Variants in PLXNB1 observed in about 807,000 individuals in gnomAD.
PLXNB1 encodes the protein plexin B1.
Under a neutral mutation model 209.4 loss-of-function variants are expected in PLXNB1, and 106 were observed. The observed-to-expected ratio is 0.51, with a 90% CI of 0.43 to 0.59. The LOEUF is 0.59. Among genes scored for constraint, PLXNB1 ranks in the 20% least tolerant of loss-of-function variants. The pLI, the probability that PLXNB1 is intolerant of heterozygous loss-of-function variation, is 0.00. For missense variants in PLXNB1, 2,357 were observed against 2,853.2 expected (o/e 0.83, Z 3.96); for synonymous variants, 1,167 against 1,183.2 (o/e 0.99, Z 0.28).
Position 48,414,006 on chromosome 3 carries a change from A to G in PLXNB1, c.4275T>C (p.Cys1425=). 3 of 1,613,956 alleles carry G rather than the reference A, an allele frequency of 1.9e-6. No homozygotes were observed. The highest frequency in any genetic ancestry group is 1.1e-5 in the South Asian group (1 of 91,086). The part of the protein sequence containing the change: ...EVVAMIGDGP[C]VVKTLTRHHL... ...GGTGCCGCGTCAGCGTCTTCACCAC[A>G]CAGGGGCCATCCCCTATCATAGCCA... is the stretch of plus-strand genomic sequence containing the variant. The change falls in exon 22 of 38, where the codon TGT becomes TGC. Residue 1425 remains cysteine (C), a synonymous_variant. Transcript: ENST00000296440.
Position 48,423,727 on chromosome 3 carries a change from T to C in PLXNB1, c.885A>G (p.Ala295=), listed in dbSNP as rs1440895176. Residue 295 remains alanine (A), a synonymous_variant, in exon 3 of 38, where the codon GCA becomes GCG. Transcript: ENST00000296440. ...REVAHGEVLF[A]AFSSAAPPTV... ...TGGGGGGTGCAGCCGAGGAGAAAGC[T>C]GCAAAGAGCACCTCCCCATGCGCCA... The C allele has an allele frequency of 3.1e-6, 5 of 1,613,608 alleles. No homozygotes were observed. Among genetic ancestry groups the C allele is most frequent in the Non-Finnish European group, 4.2e-6 (5 of 1,179,918 alleles).
chr3:48,409,694 A>C lies in PLXNB1; in HGVS notation c.5816T>G (p.Val1939Gly). The part of the protein sequence containing the change: ...LQKFVDDLFQ[V>G]ILSTSRPVPL... ...CACGGGGCGGCTGGTGCTGAGAATCACCTGGAACAGGTCATCCACGAACTT... is the reference window on the plus strand; with the variant it reads ...CACGGGGCGGCTGGTGCTGAGAATCCCCTGGAACAGGTCATCCACGAACTT... The change falls in exon 33 of 38, where the codon GTG becomes GGG. Residue 1939 changes from valine (V) to glycine (G), a missense_variant. Val to Gly is a moderately radical substitution (Grantham distance 109). This residue lies in a region of PLXNB1 where 414 missense variants were observed against 520.5 expected (regional missense o/e 0.80). Coordinates refer to ENST00000296440, the MANE Select transcript of PLXNB1 (RefSeq NM_001130082.3). The surrounding 1 kb of genome is among the most constrained non-coding windows in gnomAD (Gnocchi z 5.8). The C allele has an allele frequency of 6.2e-7, 1 of 1,613,776 alleles. No homozygotes were observed. Among genetic ancestry groups the C allele is most frequent in the South Asian group, 1.1e-5 (1 of 91,090 alleles).
chr3:48,404,412 G>T lies in PLXNB1; in HGVS notation c.*74C>A. 1 of 879,148 alleles carries T rather than the reference G, an allele frequency of 1.1e-6. No individual in the cohort carries two copies. The highest frequency in any genetic ancestry group is 1.8e-6 in the Non-Finnish European group (1 of 546,254). 54.5% of individuals were successfully genotyped at this position (879,148 alleles called of 1,614,324 possible). ...GTCAGTCACTACAGGCACCTAAGAA[G>T]GTGGCCTCTCCTCCGAGCTTCCAGG... On this transcript the variant is annotated 3_prime_UTR_variant, in exon 38 of 38. Coordinates refer to ENST00000296440, the MANE Select transcript of PLXNB1 (RefSeq NM_001130082.3).
chr3:48,415,906 G>A lies in PLXNB1; in HGVS notation c.3617+125C>T. 2 of 1,359,618 alleles carry A rather than the reference G, an allele frequency of 1.5e-6. No individual in the cohort carries two copies. Among genetic ancestry groups the A allele is most frequent in the Non-Finnish European group, 2.0e-6 (2 of 998,300 alleles). 84.2% of individuals were successfully genotyped at this position (1,359,618 alleles called of 1,614,324 possible). Reference sequence around the variant, plus strand: ...CTCCCACCACAGCTGGCTAGGGAGGGTCTGGCCACTCTCTGAAGGAGCAGA... The same window carrying A: ...CTCCCACCACAGCTGGCTAGGGAGGATCTGGCCACTCTCTGAAGGAGCAGA... On this transcript the variant is annotated intron_variant, in intron 18 of 37. Coordinates refer to ENST00000296440, the MANE Select transcript of PLXNB1 (RefSeq NM_001130082.3). This position sits in a 1 kb window ranked among gnomAD's most constrained non-coding sequence, Gnocchi z 5.0.
At position 48,413,480 on chromosome 3, in the gene PLXNB1, C is replaced by A. The variant is rs574193909; in HGVS notation, c.4535+190G>T. 2.2e-3 allele frequency: 1,367 copies of A among 620,570 alleles called. 9 individuals carry two copies. Among genetic ancestry groups the A allele is most frequent in the Middle Eastern group, 0.014 (32 of 2,296 alleles). 38.4% of individuals were successfully genotyped at this position (620,570 alleles called of 1,614,324 possible). A position where few individuals can be genotyped will look rare whatever the true frequency, so the allele number is the denominator to read the frequency against. Reference sequence around the variant, plus strand: ...CACTTTCATGTGTTTCCATGTCGTCCCTGGCTGCCTTTGTGCCACAGTGGC... The same window carrying A: ...CACTTTCATGTGTTTCCATGTCGTCACTGGCTGCCTTTGTGCCACAGTGGC... On this transcript the variant is annotated intron_variant, in intron 23 of 37. Coordinates refer to ENST00000296440, the MANE Select transcript of PLXNB1 (RefSeq NM_001130082.3). This position sits in a 1 kb window ranked among gnomAD's most constrained non-coding sequence, Gnocchi z 5.4.
intron 4 of PLXNB1, 114 bp from the exon 5 acceptor site, chr3:48,422,573 C>G: frequency 7.3e-7 from 1 of 1,368,900 alleles, no homozygotes; most frequent in Non-Finnish European, 9.8e-7. Flanking sequence ...CCTAGGCAGT[C>G]ACAGGTCATA....
chr3:48,421,887 G>A (rs2038550429), intron 6 of PLXNB1, 81 bp from the exon 7 acceptor site: 1 of 1,534,328 alleles, frequency 6.5e-7, no homozygotes, highest in African/African-American at 1.4e-5. Context: ...ACAATCTGGA[G>A]GACCTGGGCA....
chr3:48,423,093 A>G (rs886409224), intron 3 of PLXNB1, 146 bp from the exon 4 acceptor site: 3 of 692,358 alleles, frequency 4.3e-6, no homozygotes, highest in Non-Finnish European at 4.9e-6. Context: ...TCCTGGGACA[A>G]TCTCATCCCC....
chr3:48,414,775 G>A lies in PLXNB1; in HGVS notation c.4209+24C>T, dbSNP rs781518241. ...GCCAAGGGAAGGGTCTCGGGGCCCT[G>A]CCAGGTCCAAGTAGGAGCTGTACCT... is the stretch of plus-strand genomic sequence containing the variant. On this transcript the variant is annotated intron_variant, in intron 21 of 37. Transcript: ENST00000296440. 3 of 1,607,084 alleles carry A rather than the reference G, an allele frequency of 1.9e-6. No individual in the cohort carries two copies. The South Asian group carries it at 3.3e-5, about 18-fold the overall frequency.
rs1478449890 is a variant in PLXNB1, at chr3:48,410,242, G to A, written c.5605+54C>T. On this transcript the variant is annotated intron_variant, in intron 31 of 37. Coordinates refer to ENST00000296440, the MANE Select transcript of PLXNB1 (RefSeq NM_001130082.3). The surrounding 1 kb of genome is among the most constrained non-coding windows in gnomAD (Gnocchi z 6.4). ...CTGAGGCCCAGAGGACCTTCCCCAT[G>A]ACTCCGGGCTGGGCACAGCAGGGGC... is the stretch of plus-strand genomic sequence containing the variant. 2.7e-6 allele frequency: 4 copies of A among 1,504,814 alleles called. No individual in the cohort carries two copies. The highest frequency in any genetic ancestry group is 2.7e-6 in the Non-Finnish European group (3 of 1,104,450). 93.2% of individuals were successfully genotyped at this position (1,504,814 alleles called of 1,614,324 possible). A position where few individuals can be genotyped will look rare whatever the true frequency, so the allele number is the denominator to read the frequency against.
Position 48,410,757 on chromosome 3 carries a change from C to T in PLXNB1, c.5416+111G>A. 8.7e-7 allele frequency: 1 copy of T among 1,154,498 alleles called. No homozygotes were observed. Among genetic ancestry groups the T allele is most frequent in the Non-Finnish European group, 1.2e-6 (1 of 816,252 alleles). The allele number at this position is 1,154,498 out of a possible 1,614,324, so 71.5% of individuals were successfully genotyped here. On this transcript the variant is annotated intron_variant, in intron 29 of 37. Coordinates refer to ENST00000296440, the MANE Select transcript of PLXNB1 (RefSeq NM_001130082.3). This position sits in a 1 kb window ranked among gnomAD's most constrained non-coding sequence, Gnocchi z 6.4. Reference sequence around the variant, plus strand: ...ATGTTCCAAAGCCAGCTTCTGCCTGCCTCCCAGCATCCTCCCCACCCTGAG... The same window carrying T: ...ATGTTCCAAAGCCAGCTTCTGCCTGTCTCCCAGCATCCTCCCCACCCTGAG...
chr3:48,406,608 C>A lies in PLXNB1; in HGVS notation c.6228+215G>T. On this transcript the variant is annotated intron_variant, in intron 36 of 37. Coordinates refer to ENST00000296440, the MANE Select transcript of PLXNB1 (RefSeq NM_001130082.3). This position sits in a 1 kb window ranked among gnomAD's most constrained non-coding sequence, Gnocchi z 4.4. ...CTGAATCAGGGTACATGGCAGCTGC[C>A]AGGACAAGACCCCTGCTTGCTCTGT... The A allele has an allele frequency of 7.2e-7, 1 of 1,390,636 alleles. No homozygotes were observed. Among genetic ancestry groups the A allele is most frequent in the Non-Finnish European group, 9.3e-7 (1 of 1,074,682 alleles). The allele number at this position is 1,390,636 out of a possible 1,614,324, so 86.1% of individuals were successfully genotyped here.
Position 48,418,108 on chromosome 3 carries a change from A to AGTTGG in PLXNB1, c.3223-47_3223-46insCCAAC. ...CTCACCTCTACTCAACTGGAAAGGCAGCCCCAACCTCCCACCTTTGGGCCC... is the reference window on the plus strand; with the variant it reads ...CTCACCTCTACTCAACTGGAAAGGCAGTTGGGCCCCAACCTCCCACCTTTGGGCCC... On this transcript the variant is annotated intron_variant, in intron 15 of 37. Transcript: ENST00000296440. The surrounding 1 kb of genome is among the most constrained non-coding windows in gnomAD (Gnocchi z 6.6). The AGTTGG allele has an allele frequency of 6.2e-7, 1 of 1,607,474 alleles. No homozygotes were observed. The highest frequency in any genetic ancestry group is 8.5e-7 in the Non-Finnish European group (1 of 1,175,656).
At chr3:48,420,436 C>T (rs2038431369) in intron 10 of PLXNB1, among the ~76,000 whole-genome samples, 179 bp from the exon 11 acceptor site, 2 of 152,114 alleles carry the variant, frequency 1.3e-5, no homozygotes, top group South Asian at 2.1e-4. Flanking sequence ...GTGTCTGTGC[C>T]GAGGTGGGGC....
In PLXNB1 at chr3:48,412,282, G is replaced by T. The variant is rs574218254; in HGVS notation, c.5056C>A (p.Leu1686Met). ...LRRTETVVEK[L>M]LTNWMSICLY... is the part of the protein sequence containing the mutation. ...CAGATGGACATCCAGTTGGTGAGCA[G>T]CTTCTCCACCACAGTCTCTGTCCTG... The change falls in exon 27 of 38, where the codon CTG becomes ATG. Residue 1686 changes from leucine (L) to methionine (M), a missense_variant. Leu to Met is a conservative substitution (Grantham distance 15). Coordinates refer to ENST00000296440, the MANE Select transcript of PLXNB1 (RefSeq NM_001130082.3). The T allele has an allele frequency of 9.9e-6, 16 of 1,614,120 alleles. No homozygotes were observed. In the East Asian group the frequency reaches 3.1e-4, roughly 31 times the overall value.
At position 48,409,867 on chromosome 3, in the gene PLXNB1, T is replaced by C. The variant is rs1415619188; in HGVS notation, c.5778+38A>G. ...ATCCCACGAGTGGCCATGCTCCCTC[T>C]CAGCCCAGGCCCCACTACCTTGGCA... On this transcript the variant is annotated intron_variant, in intron 32 of 37. Transcript: ENST00000296440. This position sits in a 1 kb window ranked among gnomAD's most constrained non-coding sequence, Gnocchi z 5.8. The C allele has an allele frequency of 6.3e-7, 1 of 1,584,946 alleles. No individual in the cohort carries two copies. The highest frequency in any genetic ancestry group is 8.6e-7 in the Non-Finnish European group (1 of 1,166,142).
Position 48,414,949 on chromosome 3 carries a change from C to T in PLXNB1, c.4059G>A (p.Val1353=), listed in dbSNP as rs770740197. The T allele has an allele frequency of 1.2e-5, 19 of 1,613,790 alleles. No individual in the cohort carries two copies. The Admixed American group carries it at 3.0e-4, about 25-fold the overall frequency. Residue 1353 remains valine, a synonymous_variant, in exon 21 of 38, where the codon GTG becomes GTA. Coordinates refer to ENST00000296440, the MANE Select transcript of PLXNB1 (RefSeq NM_001130082.3). ...AGACCAGGTTGTCAAGGATAAATTC[C>T]ACCCGGACCCAGGGGTCCTCAGGCA... ...PGLPEDPWVR[V]EFILDNLVFD...
Position 48,419,670 on chromosome 3 carries a change from A to G in PLXNB1, c.2616T>C (p.Asp872=), listed in dbSNP as rs761530367. ...AFSTSTLLSG[D]GDSAELEGPP... ...GGCCCTCAAGCTCTGCTGAGTCTCC[A>G]TCACCTGAGAGGAGGGTGGAAGTGG... The change falls in exon 11 of 38, where the codon GAT becomes GAC. Residue 872 remains aspartate, a synonymous_variant. Transcript: ENST00000296440. This position sits in a 1 kb window ranked among gnomAD's most constrained non-coding sequence, Gnocchi z 5.7. The G allele has an allele frequency of 6.2e-6, 10 of 1,612,436 alleles. No individual in the cohort carries two copies. The highest frequency in any genetic ancestry group is 7.6e-6 in the Non-Finnish European group (9 of 1,179,940).
rs768626701 is a variant in PLXNB1 at position 48,418,111 on chromosome 3, C to T, written c.3223-49G>A. On this transcript the variant is annotated intron_variant, in intron 15 of 37. Coordinates refer to ENST00000296440, the MANE Select transcript of PLXNB1 (RefSeq NM_001130082.3). The surrounding 1 kb of genome is among the most constrained non-coding windows in gnomAD (Gnocchi z 6.6). ...ACCTCTACTCAACTGGAAAGGCAGC[C>T]CCAACCTCCCACCTTTGGGCCCCCA... is the stretch of plus-strand genomic sequence containing the variant. 3 of 1,607,210 alleles carry T rather than the reference C, an allele frequency of 1.9e-6. No individual in the cohort carries two copies. Among genetic ancestry groups the T allele is most frequent in the South Asian group, 2.2e-5 (2 of 90,586 alleles).
Sources: allele counts gnomAD v4.1 joint callset (sites outside exome capture counted in the v4.1 genomes callset), GRCh38; gene constraint gnomAD v4.1.1; regional missense constraint gnomAD v4.1.1; non-coding constraint Gnocchi (gnomAD v3.1); transcripts MANE v1.5; gene names NCBI Gene and HGNC (gene_info 2026-07-23, HGNC 2026-07-21).